The following PXK variants were observed in gnomAD, a reference collection of about 807,000 sequenced individuals.
PXK encodes the protein PX domain containing serine/threonine kinase like, also known as PX domain-containing protein kinase-like protein.
PXK carries 35 observed loss-of-function variants against 84.7 expected under a neutral mutation model. The observed-to-expected ratio is 0.41, with a 90% CI of 0.32 to 0.55. The LOEUF (loss-of-function observed/expected upper bound fraction) is 0.55, where lower values mean the gene tolerates loss of function less well. Ranked by LOEUF, PXK falls within the 20% of genes least tolerant of loss-of-function variation. The probability of loss-of-function intolerance (pLI) is 0.21; values close to 1 mark genes in which losing one functional copy is unlikely to be tolerated. For missense variants in PXK, 634 were observed against 699.7 expected, an observed-to-expected ratio of 0.91 and a Z score of 1.06; for synonymous variants, 253 against 260.8, an observed-to-expected ratio of 0.97 and a Z score of 0.29.
chr3:58,408,636 C>G (rs2107541529), intron 13 of PXK, among the ~76,000 whole-genome samples: 1 of 152,110 alleles, frequency 6.6e-6, no homozygotes, highest in African/African-American at 2.4e-5. Flanking sequence ...CATTCTCCTG[C>G]CTCAGCCTCC....
intron 1 of PXK, among the ~76,000 whole-genome samples, chr3:58,351,239 C>T (rs529085894): frequency 6.6e-6 from 1 of 152,286 alleles, no homozygotes; most frequent in South Asian, 2.1e-4. Context: ...AAGGGTCTCA[C>T]TCTATCGCCC....
intron 1 of PXK, among the ~76,000 whole-genome samples, chr3:58,337,197 CAG>C (rs1413889821): frequency 6.6e-6 from 1 of 152,122 alleles, no homozygotes; most frequent in Non-Finnish European, 1.5e-5. Flanking sequence ...TTTTGAGAAA[CAG>C]ATAATTATAG....
At chr3:58,420,017 T>TAGGC (rs2061576710) in intron 17 of PXK, among the ~76,000 whole-genome samples, 1 of 152,252 alleles carries the variant, frequency 6.6e-6, no homozygotes, top group Non-Finnish European at 1.5e-5. Context: ...TCTCTGGCCT[T>TAGGC]AGGCCTGCTC....
chr3:58,393,663 A>G (rs375964362), intron 7 of PXK, among the ~76,000 whole-genome samples: 10 of 152,330 alleles, frequency 6.6e-5, no homozygotes, highest in African/African-American at 2.4e-4. Flanking sequence ...AAAAGCCATA[A>G]TGAACAATTT....
At chr3:58,386,404 C>T (rs934797309) in intron 4 of PXK, among the ~76,000 whole-genome samples, 2 of 142,244 alleles carry the variant, frequency 1.4e-5, no homozygotes, top group Non-Finnish European at 3.0e-5. Flanking sequence ...AAGTGATTCT[C>T]CTGCCTCAGC....
chr3:58,351,867 A>G (rs1428507224), intron 1 of PXK, among the ~76,000 whole-genome samples: 2 of 152,054 alleles, frequency 1.3e-5, no homozygotes, highest in African/African-American at 4.8e-5. Flanking sequence ...GTGCTTGCTG[A>G]TTAGAGTCGT....
chr3:58,414,036 T>A lies in PXK; in HGVS notation c.1528+1073T>A, dbSNP rs2107651258. ...CTGTTTTGGGTAGCAAAGTACCTGG[T>A]CCATGGGAGGATATTCTTGTCCTTA... is the stretch of plus-strand genomic sequence containing the variant. On this transcript the variant is annotated intron_variant, in intron 17 of 17. Coordinates refer to ENST00000356151, the MANE Select transcript of PXK (RefSeq NM_017771.5). The surrounding 1 kb of genome is among the most constrained non-coding windows in gnomAD (Gnocchi z 4.5). The A allele has an allele frequency of 6.6e-6, 1 of 152,270 alleles. No homozygotes were observed. Among genetic ancestry groups the A allele is most frequent in the South Asian group, 2.1e-4 (1 of 4,830 alleles). The allele number at this position is 152,270 out of a possible 1,614,324, so 9.4% of individuals were successfully genotyped here.
At chr3:58,361,496 C>T (rs1372907248) in intron 1 of PXK, among the ~76,000 whole-genome samples, 1 of 152,078 alleles carries the variant, frequency 6.6e-6, no homozygotes, top group African/African-American at 2.4e-5. Context: ...TTCCCTCTGA[C>T]GCCCATCTCA....
Position 58,404,799 on chromosome 3 carries a change from C to CA in PXK, c.1230+897dup, listed in dbSNP as rs1479796499. On this transcript the variant is annotated intron_variant, in intron 13 of 17. Coordinates refer to ENST00000356151, the MANE Select transcript of PXK (RefSeq NM_017771.5). ...TTAGGATGAAAATAAATTTAGAAAA[C>CA]AAAAAAAAGAAAGAAAACCAAGGGA... Among the ~76,000 whole-genome samples, 27 of 151,638 alleles carry CA rather than the reference C, an allele frequency of 1.8e-4. No individual in the cohort carries two copies. The East Asian group carries it at 2.7e-3, about 15-fold the overall frequency.
At chr3:58,373,054 C>G (rs1015412036) in intron 3 of PXK, among the ~76,000 whole-genome samples, 2 of 151,442 alleles carry the variant, frequency 1.3e-5, no homozygotes, top group Non-Finnish European at 2.9e-5. Flanking sequence ...CCTGCCCCTT[C>G]CAGTGTTGAG....
chr3:58,423,431 G>A (rs1434925871), intron 17 of PXK: 22 of 1,522,082 alleles, frequency 1.4e-5, no homozygotes, highest in Middle Eastern at 1.7e-4. Context: ...GAGCATGAGC[G>A]TGTGTATTTG....
At chr3:58,372,494 T>C (rs1468551221) in intron 3 of PXK, among the ~76,000 whole-genome samples, 1 of 151,834 alleles carries the variant, frequency 6.6e-6, no homozygotes, top group Non-Finnish European at 1.5e-5. Context: ...GGCTAATTTT[T>C]TGTATTTTTA....
rs768097736 is a variant in PXK at position 58,345,765 on chromosome 3, GA to G, written c.102+12681del. On this transcript the variant is annotated intron_variant, in intron 1 of 17. Transcript: ENST00000356151. ...CTCCTACTCTATTCTAGGTTAAAGG[GA>G]AAAAATATTTATGTTATTGTTTTAT... Among the ~76,000 whole-genome samples, 16 of 152,156 alleles carry G rather than the reference GA, an allele frequency of 1.1e-4. No individual in the cohort carries two copies. The South Asian group carries it at 1.2e-3, about 12-fold the overall frequency.
rs531752624 is a variant in PXK at position 58,358,437 on chromosome 3, A to C, written c.103-7437A>C. The stretch of plus-strand genomic sequence containing the variant: ...GTAACTAAGCGCACCCTGTAGGTAG[A>C]CATGCACATGCTACAAATGGTGTTG... On this transcript the variant is annotated intron_variant, in intron 1 of 17. Transcript: ENST00000356151. Among the ~76,000 whole-genome samples the C allele has an allele frequency of 1.3e-4, 20 of 152,316 alleles. No homozygotes were observed. In the East Asian group the frequency reaches 3.9e-3, roughly 29 times the overall value.
chr3:58,374,589 T>C (rs2098422225), intron 3 of PXK, among the ~76,000 whole-genome samples: 2 of 152,260 alleles, frequency 1.3e-5, no homozygotes, highest in Non-Finnish European at 2.9e-5. Context: ...ATAGGGCATG[T>C]TAAAGAGGAA....
intron 3 of PXK, among the ~76,000 whole-genome samples, chr3:58,380,147 T>G (rs1333171163): frequency 1.3e-5 from 2 of 152,032 alleles, no homozygotes; most frequent in African/African-American, 4.8e-5. Context: ...AGGAGATTAG[T>G]TTTTAGTTTG....
At chr3:58,371,517 G>C (rs549066688) in intron 3 of PXK, among the ~76,000 whole-genome samples, 1 of 152,278 alleles carries the variant, frequency 6.6e-6, no homozygotes, top group South Asian at 2.1e-4. Context: ...CGTGATCTTT[G>C]TACAATGTCA....
chr3:58,382,476 G>T, intron 3 of PXK, 38 bp from the exon 4 acceptor site: 2 of 1,442,254 alleles, frequency 1.4e-6, no homozygotes, highest in South Asian at 1.5e-5. Flanking sequence ...CTTATTTGTG[G>T]ATGACATGAG....
In PXK at chr3:58,401,700, G is replaced by A. The variant is rs2107324355; in HGVS notation, c.1182-2162G>A. ...CCAGCACTTTAGGAGGCCAAGGCAG[G>A]TGGATCACAAGGTCAGGAGATCCAG... is the stretch of plus-strand genomic sequence containing the variant. On this transcript the variant is annotated intron_variant, in intron 12 of 17. Coordinates refer to ENST00000356151, the MANE Select transcript of PXK (RefSeq NM_017771.5). This position sits in a 1 kb window ranked among gnomAD's most constrained non-coding sequence, Gnocchi z 4.4. Among the ~76,000 whole-genome samples, 1 of 152,020 alleles carries A rather than the reference G, an allele frequency of 6.6e-6. No homozygotes were observed. Among genetic ancestry groups the A allele is most frequent in the Admixed American group, 6.5e-5 (1 of 15,270 alleles).
Sources: gnomAD v4.1 joint callset for allele counts (sites outside exome capture counted in the v4.1 genomes callset) on GRCh38, gnomAD v4.1.1 for gene constraint, Gnocchi (gnomAD v3.1) non-coding constraint, MANE v1.5 for transcripts, NCBI Gene and HGNC (gene_info 2026-07-23, HGNC 2026-07-21) for gene names.